Variants in ARAP1 observed in about 807,000 individuals in gnomAD.
ARAP1 encodes arf-GAP with Rho-GAP domain, ANK repeat and PH domain-containing protein 1.
Under a neutral mutation model 172.2 loss-of-function variants are expected in ARAP1, and 76 were observed. The observed-to-expected ratio is 0.44, with a 90% CI of 0.37 to 0.53. The LOEUF (loss-of-function observed/expected upper bound fraction) is 0.53, where lower values mean the gene tolerates loss of function less well. Ranked by LOEUF, ARAP1 falls within the 20% of genes least tolerant of loss-of-function variation. ARAP1 has a pLI of 0.00. For missense variants in ARAP1, 1,686 were observed against 1,977.5 expected, an observed-to-expected ratio of 0.85 and a Z score of 2.80; for synonymous variants, 804 against 803.3, an observed-to-expected ratio of 1.00 and a Z score of -0.01.
rs889484892 is a variant in ARAP1, at chr11:72,711,115, A to G, written c.1119T>C (p.Ser373=). 9 of 1,614,200 alleles carry G rather than the reference A, an allele frequency of 5.6e-6. No homozygotes were observed. The highest frequency in any genetic ancestry group is 7.6e-6 in the Non-Finnish European group (9 of 1,180,030). The change falls in exon 9 of 35, where the codon TCT becomes TCC. Residue 373 remains serine, a synonymous_variant. Coordinates refer to ENST00000393609, the MANE Select transcript of ARAP1 (RefSeq NM_001040118.3). Reference sequence around the variant, plus strand: ...CAGCCACGTGGGAGATGCAGGCCACAGAGATAAAGCGCTTAGAGTAAGCGT... The same window carrying G: ...CAGCCACGTGGGAGATGCAGGCCACGGAGATAAAGCGCTTAGAGTAAGCGT... ...NKDAYSKRFI[S]VACISHVAAI... is the part of the protein sequence containing the mutation.
chr11:72,722,840 A>C (rs1857570642), intron 3 of ARAP1, among the ~76,000 whole-genome samples: 1 of 152,208 alleles, frequency 6.6e-6, no homozygotes, highest in Admixed American at 6.5e-5. Context: ...TGCCACCCTC[A>C]GGGAAGCCAG....
At chr11:72,709,700 G>T in intron 11 of ARAP1, 170 bp downstream of exon 11, 1 of 696,776 alleles carries the variant, frequency 1.4e-6, no homozygotes, top group Non-Finnish European at 2.6e-6. Flanking sequence ...CAGGAGGGAA[G>T]GAGATCAGAG....
rs1856146747 is a variant in ARAP1 at position 72,695,510 on chromosome 11, T to C, written c.3507+32A>G. The C allele has an allele frequency of 6.2e-7, 1 of 1,614,034 alleles. No homozygotes were observed. The highest frequency in any genetic ancestry group is 8.5e-7 in the Non-Finnish European group (1 of 1,180,006). On this transcript the variant is annotated intron_variant, in intron 25 of 34. Coordinates refer to ENST00000393609, the MANE Select transcript of ARAP1 (RefSeq NM_001040118.3). This position sits in a 1 kb window ranked among gnomAD's most constrained non-coding sequence, Gnocchi z 4.4. ...CTAGGAAATGGGTGCAGGTGGCAGG[T>C]CCAAGCCCCCCACCCAGGCTCCAGC... is the stretch of plus-strand genomic sequence containing the variant.
At chr11:72,743,490 T>C (rs1005970437) in intron 1 of ARAP1, among the ~76,000 whole-genome samples, 2 of 152,008 alleles carry the variant, frequency 1.3e-5, no homozygotes, top group African/African-American at 4.8e-5. Flanking sequence ...AGGGTTGGAC[T>C]GGGAGGCCTT....
rs781172594 is a variant in ARAP1 at position 72,710,076 on chromosome 11, G to A, written c.1417-100C>T. On this transcript the variant is annotated intron_variant, in intron 10 of 34. Transcript: ENST00000393609. The surrounding 1 kb of genome is among the most constrained non-coding windows in gnomAD (Gnocchi z 4.3). ...GGAAGGTGGTGCAACTCAGGGACTGGGGGGGGTGCCCAGGAGGGAGACAGC... is the reference window on the plus strand; with the variant it reads ...GGAAGGTGGTGCAACTCAGGGACTGAGGGGGGTGCCCAGGAGGGAGACAGC... 4 of 1,104,250 alleles carry A rather than the reference G, an allele frequency of 3.6e-6. No individual in the cohort carries two copies. Among genetic ancestry groups the A allele is most frequent in the Non-Finnish European group, 1.4e-6 (1 of 728,538 alleles). 68.4% of individuals were successfully genotyped at this position (1,104,250 alleles called of 1,614,324 possible).
At chr11:72,697,284 C>G (rs765256811) in intron 21 of ARAP1, 39 bp downstream of exon 21, 3 of 1,555,072 alleles carry the variant, frequency 1.9e-6, no homozygotes, top group Non-Finnish European at 2.6e-6. Flanking sequence ...GGCGGCTCTC[C>G]GGGAGGGGCG....
chr11:72,748,829 G>T (rs569916215), intron 1 of ARAP1, among the ~76,000 whole-genome samples: 6 of 149,972 alleles, frequency 4.0e-5, no homozygotes, highest in Non-Finnish European at 8.8e-5. Context: ...GTAGGGGAAG[G>T]TGGAAAAAAT....
chr11:72,695,974 T>C lies in ARAP1; in HGVS notation c.3273-109A>G. On this transcript the variant is annotated intron_variant, in intron 23 of 34. Coordinates refer to ENST00000393609, the MANE Select transcript of ARAP1 (RefSeq NM_001040118.3). The surrounding 1 kb of genome is among the most constrained non-coding windows in gnomAD (Gnocchi z 4.4). ...GACTGGTCTGGTCAGAGGGGACCAC[T>C]GTTTAACAGGGTAGGAACAGTTTTT... The C allele has an allele frequency of 5.2e-6, 7 of 1,336,466 alleles. No individual in the cohort carries two copies. The highest frequency in any genetic ancestry group is 7.0e-6 in the Non-Finnish European group (7 of 999,964). The allele number at this position is 1,336,466 out of a possible 1,614,324, so 82.8% of individuals were successfully genotyped here. A position where few individuals can be genotyped will look rare whatever the true frequency, so the allele number is the denominator to read the frequency against.
At chr11:72,697,285 G>T in intron 21 of ARAP1, 38 bp downstream of exon 21, 2 of 1,571,700 alleles carry the variant, frequency 1.3e-6, no homozygotes, top group East Asian at 4.7e-5. Flanking sequence ...GCGGCTCTCC[G>T]GGAGGGGCGG....
In ARAP1 at chr11:72,713,259, T is replaced by A; in HGVS notation, c.680-16A>T. 2 of 1,611,940 alleles carry A rather than the reference T, an allele frequency of 1.2e-6. No homozygotes were observed. Among genetic ancestry groups the A allele is most frequent in the Non-Finnish European group, 1.7e-6 (2 of 1,178,910 alleles). Reference sequence around the variant, plus strand: ...TCAGAGTCATCTGGTGAGAGAGGGGTTGGGGGGCCTCAGGGCAAGGGGCCT... The same window carrying A: ...TCAGAGTCATCTGGTGAGAGAGGGGATGGGGGGCCTCAGGGCAAGGGGCCT... On this transcript the variant is annotated splice_polypyrimidine_tract_variant and intron_variant, in intron 4 of 34. Transcript: ENST00000393609.
Position 72,699,794 on chromosome 11 carries a change from C to A in ARAP1, c.2303-242G>T, listed in dbSNP as rs1056135604. ...CCAGAGTGATCTAGCTAAAATCAGACCCCATCCTTCCTCTAACCAAAACCA... is the reference window on the plus strand; with the variant it reads ...CCAGAGTGATCTAGCTAAAATCAGAACCCATCCTTCCTCTAACCAAAACCA... On this transcript the variant is annotated intron_variant, in intron 16 of 34. Transcript: ENST00000393609. This position sits in a 1 kb window ranked among gnomAD's most constrained non-coding sequence, Gnocchi z 4.2. 5.3e-5 allele frequency among the ~76,000 whole-genome samples: 8 copies of A among 152,328 alleles called. No homozygotes were observed. The highest frequency in any genetic ancestry group is 1.9e-4 in the African/African-American group (8 of 41,570).
chr11:72,697,463 C>T lies in ARAP1; in HGVS notation c.2813G>A (p.Arg938Gln), dbSNP rs867732806. ...CAGCCAACCCATGAAGTCCAGCCGC[C>T]GCTCGCCCTGTATGTACAGTGTCCT... is the stretch of plus-strand genomic sequence containing the variant. Reference protein sequence around the residue: ...RRRTLYIQGERRLDFMGWLGA... With the variant: ...RRRTLYIQGEQRLDFMGWLGA... The change falls in exon 21 of 35, where the codon CGG becomes CAG. Residue 938 changes from arginine to glutamine, a missense_variant. Coordinates refer to ENST00000393609, the MANE Select transcript of ARAP1 (RefSeq NM_001040118.3). 6.2e-6 allele frequency: 10 copies of T among 1,613,452 alleles called. No individual in the cohort carries two copies. The Middle Eastern group carries it at 4.9e-4, about 80-fold the overall frequency.
At position 72,690,365 on chromosome 11, in the gene ARAP1, C is replaced by G. The variant is rs114957747; in HGVS notation, c.3988-1828G>C. Among the ~76,000 whole-genome samples the G allele has an allele frequency of 3.9e-3, 596 of 152,280 alleles. 1 individual carries two copies. The highest frequency in any genetic ancestry group is 0.014 in the African/African-American group (570 of 41,548). Reference sequence around the variant, plus strand: ...TGTAAGGGTGGCTGAGTCAGAAAGTCTGCAGAAGTGGGTCTTGGGAGGGAA... The same window carrying G: ...TGTAAGGGTGGCTGAGTCAGAAAGTGTGCAGAAGTGGGTCTTGGGAGGGAA... On this transcript the variant is annotated intron_variant, in intron 30 of 34. Transcript: ENST00000393609.
rs531339620 is a variant in ARAP1, at chr11:72,693,326, C to T, written c.3953G>A (p.Arg1318Gln). Reference sequence around the variant, plus strand: ...GCAGAACCCAGCGGGGCCACTTACCCGGACCTCCTTGTAGAGCCGCAAGCA... The same window carrying T: ...GCAGAACCCAGCGGGGCCACTTACCTGGACCTCCTTGTAGAGCCGCAAGCA... Reference protein sequence around the residue: ...SSCLRLYKEVRSQRPWSGAPE... With the variant: ...SSCLRLYKEVQSQRPWSGAPE... The change falls in exon 29 of 35, where the codon CGG becomes CAG. Residue 1318 changes from arginine to glutamine, a missense_variant and splice_region_variant. Around this residue, in one of 5 missense-constraint regions of ARAP1, gnomAD observed 379 missense variants for 500.1 expected, o/e 0.76. Coordinates refer to ENST00000393609, the MANE Select transcript of ARAP1 (RefSeq NM_001040118.3). The surrounding 1 kb of genome is among the most constrained non-coding windows in gnomAD (Gnocchi z 4.6). 2.3e-5 allele frequency: 37 copies of T among 1,613,564 alleles called. No individual in the cohort carries two copies. In the Admixed American group the frequency reaches 3.0e-4, roughly 13 times the overall value.
At chr11:72,688,246 A>G (rs1855775102) in intron 31 of ARAP1, among the ~76,000 whole-genome samples, 1 of 152,074 alleles carries the variant, frequency 6.6e-6, no homozygotes, top group Admixed American at 6.5e-5. Context: ...TGGCTTCCCC[A>G]AGTACTGAGA....
chr11:72,696,755 T>G, intron 22 of ARAP1, 101 bp from the exon 23 acceptor site: 2 of 1,062,430 alleles, frequency 1.9e-6, no homozygotes, highest in East Asian at 5.2e-5. Flanking sequence ...CAGCAGTCCC[T>G]GTGCCCTCCA....
At chr11:72,712,133 T>C in intron 7 of ARAP1, 63 bp downstream of exon 7, 1 of 1,492,242 alleles carries the variant, frequency 6.7e-7, no homozygotes, top group Non-Finnish European at 8.9e-7. Context: ...TGTCCTGGGG[T>C]CCTGGACACT....
Position 72,707,235 on chromosome 11 carries a change from C to T in ARAP1, c.1663G>A (p.Ala555Thr), listed in dbSNP as rs1308971919. ...ATGGAGGCCCAGTCAGGCTGAGGAG[C>T]CCCGCAGTCAGCACAGAACCTGTTG... ...APNRFCADCG[A>T]PQPDWASINL... is the part of the protein sequence containing the mutation. Residue 555 changes from alanine (A) to threonine (T), a missense_variant, in exon 12 of 35, where the codon GCT becomes ACT. Physicochemically the swap from Ala to Thr is moderately conservative, Grantham distance 58. Around this residue, in one of 5 missense-constraint regions of ARAP1, gnomAD observed 688 missense variants for 856.9 expected, o/e 0.80. Transcript: ENST00000393609. 1.9e-6 allele frequency: 3 copies of T among 1,608,508 alleles called. No individual in the cohort carries two copies. The highest frequency in any genetic ancestry group is 2.5e-6 in the Non-Finnish European group (3 of 1,177,414).
intron 1 of ARAP1, among the ~76,000 whole-genome samples, chr11:72,742,724 C>T (rs531721084): frequency 5.9e-5 from 9 of 152,204 alleles, no homozygotes; most frequent in Non-Finnish European, 1.0e-4. Context: ...GGGAATTCAA[C>T]TAACTTCTCT....
Sources: allele counts gnomAD v4.1 joint callset (sites outside exome capture counted in the v4.1 genomes callset), GRCh38; gene constraint gnomAD v4.1.1; regional missense constraint gnomAD v4.1.1; non-coding constraint Gnocchi (gnomAD v3.1); transcripts MANE v1.5; gene names NCBI Gene and HGNC (gene_info 2026-07-23, HGNC 2026-07-21).